The following CCDC175 variants were observed in gnomAD, a reference collection of about 807,000 sequenced individuals.
CCDC175 encodes the protein coiled-coil domain containing 175.
Under a neutral mutation model 114.6 loss-of-function variants are expected in CCDC175, and 100 were observed. That is an observed-to-expected ratio of 0.87 (90% CI 0.74 to 1.03). CCDC175 has a LOEUF of 1.03. CCDC175 is among the 50% of genes least tolerant of loss of function. The probability of loss-of-function intolerance (pLI) is 0.00; values close to 1 mark genes in which losing one functional copy is unlikely to be tolerated. For missense variants in CCDC175, 880 were observed against 917.8 expected (o/e 0.96, Z 0.53); for synonymous variants, 306 against 308.7 (o/e 0.99, Z 0.09).
At chr14:59,509,143 A>C (rs996782863) in intron 19 of CCDC175, among the ~76,000 whole-genome samples, 13 of 152,234 alleles carry the variant, frequency 8.5e-5, no homozygotes, top group Non-Finnish European at 1.5e-4. Flanking sequence ...TTGTTGCAAC[A>C]CAAAGATTCC....
Position 59,551,397 on chromosome 14 carries a change from T to C in CCDC175, c.993A>G (p.Ile331Met). 1 of 1,463,484 alleles carries C rather than the reference T, an allele frequency of 6.8e-7. No homozygotes were observed. Among genetic ancestry groups the C allele is most frequent in the South Asian group, 1.3e-5 (1 of 76,928 alleles). 90.7% of individuals were successfully genotyped at this position (1,463,484 alleles called of 1,614,324 possible). Residue 331 changes from isoleucine to methionine, a missense_variant, in exon 8 of 20, where the codon ATA (isoleucine) becomes ATG (methionine). Transcript: ENST00000537690. ...GGAATTCATTTTTTTCATCATTAGA[T>C]ATATCATCTAGTTTTTCTTTGTTAT... ...FTDNKEKLDD[I>M]SNDEKNEFLN...
At chr14:59,571,084 C>G (rs1896821558) in intron 3 of CCDC175, among the ~76,000 whole-genome samples, 1 of 150,476 alleles carries the variant, frequency 6.6e-6, no homozygotes, top group South Asian at 2.1e-4. Context: ...AAGAACTCAG[C>G]CAACAACATT....
chr14:59,567,929 T>C (rs535717505), intron 4 of CCDC175, among the ~76,000 whole-genome samples: 1 of 152,290 alleles, frequency 6.6e-6, no homozygotes, highest in South Asian at 2.1e-4. Context: ...CTAAACCCAT[T>C]GTGTGTCTAC....
At chr14:59,537,776 T>C (rs1884735) in intron 13 of CCDC175, among the ~76,000 whole-genome samples, 79,834 of 151,940 alleles carry the variant, frequency 0.53, 21,996 homozygotes, top group East Asian at 0.82. Flanking sequence ...CACCTGTCTC[T>C]AAGGCCATTG....
At chr14:59,554,643 T>G (rs58824454) in intron 7 of CCDC175, among the ~76,000 whole-genome samples, 9,743 of 151,958 alleles carry the variant, frequency 0.064, 416 homozygotes, top group African/African-American at 0.11. Context: ...AATAGAGACA[T>G]AAAAAACCCT....
At position 59,505,413 on chromosome 14, in the gene CCDC175, C is replaced by G. The variant is rs571656254; in HGVS notation, c.2306-98G>C. 17 of 557,194 alleles carry G rather than the reference C, an allele frequency of 3.1e-5. No individual in the cohort carries two copies. The South Asian group carries it at 5.9e-4, about 19-fold the overall frequency. The allele number at this position is 557,194 out of a possible 1,614,324, so 34.5% of individuals were successfully genotyped here. ...AAAATTCTGAGTTGCCCAAAGAATC[C>G]TCAATTGAGTAATTGTATAATCGGG... On this transcript the variant is annotated intron_variant, in intron 19 of 19. Coordinates refer to ENST00000537690, the MANE Select transcript of CCDC175 (RefSeq NM_001164399.2).
intron 13 of CCDC175, among the ~76,000 whole-genome samples, chr14:59,532,964 C>T (rs1894156592): frequency 6.6e-6 from 1 of 152,134 alleles, no homozygotes; most frequent in Admixed American, 6.5e-5. Context: ...CATTTTTATC[C>T]AAGTTGTATG....
chr14:59,566,103 G>C (rs903062412), intron 4 of CCDC175, among the ~76,000 whole-genome samples: 9 of 152,178 alleles, frequency 5.9e-5, no homozygotes, highest in African/African-American at 2.2e-4. Context: ...TATCTTTACT[G>C]TTTGAAGGAT....
At chr14:59,517,635 G>A (rs180906956) in intron 17 of CCDC175, among the ~76,000 whole-genome samples, 5,244 of 152,228 alleles carry the variant, frequency 0.034, 155 homozygotes, top group Middle Eastern at 0.1. Flanking sequence ...ACCTCTTCAA[G>A]GAGAACTACA....
intron 8 of CCDC175, among the ~76,000 whole-genome samples, chr14:59,549,964 G>A (rs1380479069): frequency 6.6e-6 from 1 of 151,902 alleles, no homozygotes; most frequent in East Asian, 1.9e-4. Flanking sequence ...AGGCTGGAGT[G>A]CAGTGGTGCG....
At chr14:59,547,502 G>C (rs1431206969) in intron 8 of CCDC175, among the ~76,000 whole-genome samples, 1 of 152,174 alleles carries the variant, frequency 6.6e-6, no homozygotes, top group Non-Finnish European at 1.5e-5. Flanking sequence ...TGTGAGGAGA[G>C]ATGAATAGTT....
intron 19 of CCDC175, among the ~76,000 whole-genome samples, chr14:59,508,552 A>G (rs990343608): frequency 1.6e-4 from 18 of 113,378 alleles, no homozygotes; most frequent in African/African-American, 5.4e-4. Flanking sequence ...CAACAGGGTG[A>G]GAGGCCCTGT....
intron 6 of CCDC175, among the ~76,000 whole-genome samples, chr14:59,561,825 T>A (rs547113470): frequency 1.1e-4 from 16 of 152,356 alleles, no homozygotes; most frequent in African/African-American, 3.8e-4. Context: ...AAAGTCTAAC[T>A]TATTCAGCCT....
At chr14:59,510,835 TCAA>T in intron 18 of CCDC175, 27 bp from the exon 19 acceptor site, 1 of 1,523,430 alleles carries the variant, frequency 6.6e-7, no homozygotes, top group Non-Finnish European at 8.8e-7. Context: ...TTAGGCTGTG[TCAA>T]TATAAATTGC....
In CCDC175 at chr14:59,569,102, A is replaced by T. The variant is rs183485663; in HGVS notation, c.356-722T>A. The stretch of plus-strand genomic sequence containing the variant: ...ACGTATGACTTCAAAGGATTATCTC[A>T]GTGCATGACAGATGGTCAATATGCA... On this transcript the variant is annotated intron_variant, in intron 3 of 19. Coordinates refer to ENST00000537690, the MANE Select transcript of CCDC175 (RefSeq NM_001164399.2). Among the ~76,000 whole-genome samples, 34 of 152,366 alleles carry T rather than the reference A, an allele frequency of 2.2e-4. 1 individual carries two copies. The highest frequency in any genetic ancestry group is 7.7e-4 in the African/African-American group (32 of 41,576).
At chr14:59,538,269 A>G (rs2140028329) in intron 12 of CCDC175, 115 bp from the exon 13 acceptor site, 1 of 863,106 alleles carries the variant, frequency 1.2e-6, no homozygotes, top group East Asian at 3.0e-5. Context: ...ATTTCAGTTC[A>G]TATAATTTCT....
At chr14:59,515,481 A>G (rs186914214) in intron 17 of CCDC175, among the ~76,000 whole-genome samples, 5 of 152,270 alleles carry the variant, frequency 3.3e-5, no homozygotes, top group African/African-American at 7.2e-5. Context: ...GATCTACCAA[A>G]CAAATGGAAA....
Position 59,568,432 on chromosome 14 carries a change from T to C in CCDC175, c.356-52A>G, listed in dbSNP as rs1180843516. The C allele has an allele frequency of 2.2e-6, 3 of 1,377,422 alleles. No homozygotes were observed. The African/African-American group carries it at 4.5e-5, about 21-fold the overall frequency. The allele number at this position is 1,377,422 out of a possible 1,614,324, so 85.3% of individuals were successfully genotyped here. A position where few individuals can be genotyped will look rare whatever the true frequency, so the allele number is the denominator to read the frequency against. ...CATTATTTGAGGAAAAGCACAACTG[T>C]AGATACTGACTTTCACGCAAAAAAG... On this transcript the variant is annotated intron_variant, in intron 3 of 19. Coordinates refer to ENST00000537690, the MANE Select transcript of CCDC175 (RefSeq NM_001164399.2).
intron 11 of CCDC175, among the ~76,000 whole-genome samples, chr14:59,539,410 T>C (rs1394322446): frequency 6.6e-6 from 1 of 151,636 alleles, no homozygotes; most frequent in Non-Finnish European, 1.5e-5. Context: ...AAACCCTGTC[T>C]CTACTAAAAA....
Sources: allele counts gnomAD v4.1 joint callset (sites outside exome capture counted in the v4.1 genomes callset), GRCh38; gene constraint gnomAD v4.1.1; transcripts MANE v1.5; gene names NCBI Gene and HGNC (gene_info 2026-07-23, HGNC 2026-07-21).